The following UNC5D variants were observed in gnomAD, a reference collection of about 807,000 sequenced individuals.
UNC5D encodes the protein unc-5 netrin receptor D, also known as netrin receptor UNC5D.
Under a neutral mutation model 105.4 loss-of-function variants are expected in UNC5D, and 39 were observed. The ratio of observed to expected loss-of-function variants is 0.37; its 90% CI spans 0.29 to 0.48. The LOEUF is 0.48. Among genes scored for constraint, UNC5D ranks in the 20% least tolerant of loss-of-function variants. The pLI, the probability that UNC5D is intolerant of heterozygous loss-of-function variation, is 0.98. For missense variants in UNC5D, 991 were observed against 1,202.4 expected (o/e 0.82, Z 2.60); for synonymous variants, 452 against 450.4 (o/e 1.00, Z -0.04).
intron 8 of UNC5D, among the ~76,000 whole-genome samples, chr8:35,706,815 TCAGAA>T (rs1337903955): frequency 6.6e-6 from 1 of 152,082 alleles, no homozygotes; most frequent in African/African-American, 2.4e-5. Flanking sequence ...ATGCACCACC[TCAGAA>T]CAGAACAAAT....
chr8:35,406,647 A>C (rs1295403895), intron 1 of UNC5D, among the ~76,000 whole-genome samples: 1 of 152,136 alleles, frequency 6.6e-6, no homozygotes, highest in African/African-American at 2.4e-5. Flanking sequence ...AGGGAGGGAA[A>C]ATAAACAGGA....
At chr8:35,757,231 C>T (rs1294624668) in intron 13 of UNC5D, among the ~76,000 whole-genome samples, 1 of 152,044 alleles carries the variant, frequency 6.6e-6, no homozygotes, top group East Asian at 1.9e-4. Context: ...TTTAATGCAC[C>T]TTAAAACCAG....
At position 35,353,416 on chromosome 8, in the gene UNC5D, G is replaced by A. The variant is rs920286328; in HGVS notation, c.103+117529G>A. Among the ~76,000 whole-genome samples the A allele has an allele frequency of 3.3e-5, 5 of 152,162 alleles. No individual in the cohort carries two copies. In the South Asian group the frequency reaches 6.2e-4, roughly 19 times the overall value. On this transcript the variant is annotated intron_variant, in intron 1 of 16. Transcript: ENST00000404895. The stretch of plus-strand genomic sequence containing the variant: ...CATTTCATAATACTGTTGTCGTGTC[G>A]GTGGATAAAATCAACTGTTGTCTTT...
At chr8:35,424,305 G>C (rs575778927) in intron 1 of UNC5D, among the ~76,000 whole-genome samples, 1 of 152,096 alleles carries the variant, frequency 6.6e-6, no homozygotes, top group Non-Finnish European at 1.5e-5. Flanking sequence ...TAATTTTAAT[G>C]ATATATTTAA....
At chr8:35,649,390 C>T (rs1823265958) in intron 4 of UNC5D, among the ~76,000 whole-genome samples, 1 of 152,156 alleles carries the variant, frequency 6.6e-6, no homozygotes, top group South Asian at 2.1e-4. Flanking sequence ...GCACACTGGA[C>T]TGTGAGATAG....
chr8:35,423,830 T>C (rs1249200307), intron 1 of UNC5D, among the ~76,000 whole-genome samples: 3 of 151,342 alleles, frequency 2.0e-5, no homozygotes, highest in Non-Finnish European at 2.9e-5. Context: ...GTTTGTAAAC[T>C]GGAAGATGTT....
chr8:35,640,833 G>A (rs1246500012), intron 4 of UNC5D, among the ~76,000 whole-genome samples: 1 of 152,010 alleles, frequency 6.6e-6, no homozygotes, highest in Non-Finnish European at 1.5e-5. Context: ...AGAAAAGAAT[G>A]TTTTCTTTGA....
intron 1 of UNC5D, among the ~76,000 whole-genome samples, chr8:35,318,012 T>C (rs1428050923): frequency 6.6e-6 from 1 of 151,964 alleles, no homozygotes; most frequent in Non-Finnish European, 1.5e-5. Flanking sequence ...ACCCCATGTG[T>C]TAATTCTTTT....
intron 1 of UNC5D, among the ~76,000 whole-genome samples, chr8:35,490,288 AGG>A (rs2130094932): frequency 6.6e-6 from 1 of 152,300 alleles, no homozygotes; most frequent in South Asian, 2.1e-4. Flanking sequence ...GGATTGCTTG[AGG>A]CCAGGAATTC....
intron 1 of UNC5D, among the ~76,000 whole-genome samples, chr8:35,509,546 A>G (rs1033009845): frequency 9.1e-4 from 2 of 2,208 alleles, no homozygotes; most frequent in East Asian, 0.012. Context: ...ACCCTGGGCC[A>G]TACTACATGC....
intron 1 of UNC5D, among the ~76,000 whole-genome samples, chr8:35,522,771 T>C (rs548793122): frequency 8.7e-4 from 133 of 152,326 alleles, no homozygotes; most frequent in African/African-American, 3.0e-3. Flanking sequence ...AGCCTTAATA[T>C]GTAATGATTC....
intron 1 of UNC5D, among the ~76,000 whole-genome samples, chr8:35,424,252 A>C (rs900766890): frequency 1.3e-5 from 2 of 152,262 alleles, no homozygotes; most frequent in African/African-American, 2.4e-5. Flanking sequence ...ATATACTTTT[A>C]AATGTTTTAG....
chr8:35,758,338 TG>T (rs1292601925), intron 13 of UNC5D, among the ~76,000 whole-genome samples: 1 of 150,612 alleles, frequency 6.6e-6, no homozygotes, highest in East Asian at 1.9e-4. Context: ...TAAACCTATT[TG>T]TTTTCTAACA....
intron 1 of UNC5D, among the ~76,000 whole-genome samples, chr8:35,343,146 A>T (rs1811571935): frequency 6.6e-6 from 1 of 152,108 alleles, no homozygotes; most frequent in South Asian, 2.1e-4. Context: ...TACTTGGAGA[A>T]TCAATGTTGT....
At chr8:35,696,552 C>T (rs1032384878) in intron 7 of UNC5D, among the ~76,000 whole-genome samples, 1 of 151,984 alleles carries the variant, frequency 6.6e-6, no homozygotes, top group Non-Finnish European at 1.5e-5. Flanking sequence ...GTGGCAAGAA[C>T]CCAATCAGGG....
chr8:35,747,003 G>T (rs968456763), intron 11 of UNC5D, among the ~76,000 whole-genome samples: 1 of 152,040 alleles, frequency 6.6e-6, no homozygotes, highest in Non-Finnish European at 1.5e-5. Flanking sequence ...TTCCAGTCCC[G>T]CTCTCCTTGC....
Position 35,306,125 on chromosome 8 carries a change from G to C in UNC5D, c.103+70238G>C, listed in dbSNP as rs1372118801. ...TTCACCTGAAATGTGAAAAGAATAA[G>C]GGGAATTTGTCTTAAACTATACAGA... On this transcript the variant is annotated intron_variant, in intron 1 of 16. Coordinates refer to ENST00000404895, the MANE Select transcript of UNC5D (RefSeq NM_080872.4). Among the ~76,000 whole-genome samples the C allele has an allele frequency of 3.3e-5, 5 of 151,888 alleles. No individual in the cohort carries two copies. In the East Asian group the frequency reaches 9.7e-4, roughly 29 times the overall value.
At chr8:35,784,029 G>A (rs1036653218) in intron 16 of UNC5D, among the ~76,000 whole-genome samples, 4 of 152,018 alleles carry the variant, frequency 2.6e-5, no homozygotes, top group African/African-American at 9.7e-5. Flanking sequence ...TTGTAAGTTG[G>A]CCTATGTCTA....
At chr8:35,777,324 G>T (rs1051179986) in intron 16 of UNC5D, among the ~76,000 whole-genome samples, 1 of 152,204 alleles carries the variant, frequency 6.6e-6, no homozygotes, top group Non-Finnish European at 1.5e-5. Flanking sequence ...CAGGAGGATT[G>T]CTTGAGCCCA....
Sources: allele counts gnomAD v4.1 joint callset (sites outside exome capture counted in the v4.1 genomes callset), GRCh38; gene constraint gnomAD v4.1.1; transcripts MANE v1.5; gene names NCBI Gene and HGNC (gene_info 2026-07-23, HGNC 2026-07-21).